The following ART3 variants were observed in gnomAD, a reference collection of about 807,000 sequenced individuals.
The protein encoded by ART3 is ecto-ADP-ribosyltransferase 3.
In ART3, 49 loss-of-function variants were observed where a neutral mutation model predicts 48.5. The observed-to-expected ratio is 1.01, with a 90% confidence interval of 0.80 to 1.28. The LOEUF is 1.28. ART3 is among the 50% of genes most tolerant of loss of function. ART3 has a pLI of 0.00. For synonymous variants in ART3, 145 were observed against 157.2 expected (o/e 0.92, Z 0.58); for missense variants, 438 against 454.3 (o/e 0.96, Z 0.33).
At chr4:76,012,009 G>C (rs1435650476) in intron 1 of ART3, 1 of 152,216 alleles carries the variant, frequency 6.6e-6, no homozygotes, top group African/African-American at 2.4e-5. Context: ...ATCTAGAGTT[G>C]AAATCAACAG....
At chr4:76,083,208 A>C (rs1722859631) in intron 3 of ART3, among the ~76,000 whole-genome samples, 1 of 152,028 alleles carries the variant, frequency 6.6e-6, no homozygotes, top group Non-Finnish European at 1.5e-5. Context: ...AAAAAGAAGA[A>C]AAAGAAAAAT....
chr4:76,103,089 A>T (rs1226144274), intron 8 of ART3, among the ~76,000 whole-genome samples: 4 of 152,126 alleles, frequency 2.6e-5, no homozygotes, highest in African/African-American at 9.7e-5. Context: ...AGCTGATGGC[A>T]TTTTTTTACT....
chr4:76,062,721 T>C (rs1324818926), intron 1 of ART3, among the ~76,000 whole-genome samples: 1 of 151,902 alleles, frequency 6.6e-6, no homozygotes, highest in Admixed American at 6.6e-5. Flanking sequence ...CCACCATGCC[T>C]GGCTAATTTT....
intron 3 of ART3, among the ~76,000 whole-genome samples, chr4:76,083,686 C>T (rs1000695477): frequency 6.6e-6 from 1 of 152,208 alleles, no homozygotes; most frequent in African/African-American, 2.4e-5. Context: ...ACAGCCAAAT[C>T]TACTTGTTCA....
intron 1 of ART3, among the ~76,000 whole-genome samples, chr4:76,043,102 A>G (rs1305218612): frequency 6.6e-6 from 1 of 151,990 alleles, no homozygotes; most frequent in Non-Finnish European, 1.5e-5. Context: ...AGCTAGACAC[A>G]GGGTGCTGAC....
intron 1 of ART3, among the ~76,000 whole-genome samples, chr4:76,011,578 C>T (rs1483281677): frequency 1.3e-5 from 2 of 152,150 alleles, no homozygotes; most frequent in African/African-American, 4.8e-5. Flanking sequence ...AGAGGCCCTT[C>T]GGATAAGAGA....
intron 1 of ART3, among the ~76,000 whole-genome samples, chr4:76,051,894 C>CTTTTTTTTTTTTTTTTTTTTTTTTT (rs202236743): frequency 9.0e-6 from 1 of 111,222 alleles, no homozygotes; most frequent in Non-Finnish European, 1.7e-5. Context: ...ATCTCTCTCT[C>CTTTTTTTTTTTTTTTTTTTTTTTTT]TCTCTTTTTT....
Position 76,022,618 on chromosome 4 carries a change from T to C in ART3, c.-10+11298T>C. ...CACAAACCCTTTACTGATCTTTTTT[T>C]ATTATCATTACATATTTAATACAGT... On this transcript the variant is annotated intron_variant, in intron 1 of 9. Coordinates refer to the ART3 transcript ENST00000341029. The C allele has an allele frequency of 2.1e-6, 3 of 1,442,984 alleles. No homozygotes were observed. The East Asian group carries it at 7.1e-5, about 34-fold the overall frequency. 89.4% of individuals were successfully genotyped at this position (1,442,984 alleles called of 1,614,324 possible).
At chr4:76,056,832 A>G (rs1718737208) in intron 1 of ART3, among the ~76,000 whole-genome samples, 3 of 152,216 alleles carry the variant, frequency 2.0e-5, no homozygotes, top group Non-Finnish European at 4.4e-5. Flanking sequence ...CTTGGTAGAA[A>G]ACAGTGGGTT....
At chr4:76,077,216 G>C (rs1333911436) in intron 2 of ART3, among the ~76,000 whole-genome samples, 1 of 152,088 alleles carries the variant, frequency 6.6e-6, no homozygotes, top group African/African-American at 2.4e-5. Context: ...GGCAACCACT[G>C]TCTACTTTCT....
intron 2 of ART3, among the ~76,000 whole-genome samples, chr4:76,076,502 C>CA (rs1364084482): frequency 1.3e-5 from 2 of 152,332 alleles, no homozygotes; most frequent in East Asian, 3.9e-4. Flanking sequence ...TTCCTCCACT[C>CA]AGAGGGAATG....
chr4:76,033,480 C>T (rs1734060940), intron 1 of ART3, among the ~76,000 whole-genome samples: 1 of 152,246 alleles, frequency 6.6e-6, no homozygotes, highest in Admixed American at 6.5e-5. Context: ...CCAACACTCA[C>T]ATAAGGGATT....
At chr4:76,055,644 A>G (rs1482574412) in intron 1 of ART3, among the ~76,000 whole-genome samples, 1 of 152,230 alleles carries the variant, frequency 6.6e-6, no homozygotes, top group African/African-American at 2.4e-5. Context: ...AGATTAGAGC[A>G]GAAGACTAAA....
At chr4:76,043,915 C>T (rs1445385457) in intron 1 of ART3, among the ~76,000 whole-genome samples, 1 of 152,054 alleles carries the variant, frequency 6.6e-6, no homozygotes, top group African/African-American at 2.4e-5. Flanking sequence ...ACTCTAGCTA[C>T]TTCCTGCTGG....
intron 3 of ART3, among the ~76,000 whole-genome samples, chr4:76,095,275 A>G (rs984030507): frequency 6.6e-6 from 1 of 152,206 alleles, no homozygotes; most frequent in Non-Finnish European, 1.5e-5. Context: ...TAGGAGGATG[A>G]GGCAGGTGGA....
chr4:76,100,611 C>A (rs1384034839), intron 6 of ART3, among the ~76,000 whole-genome samples, 184 bp from the exon 7 acceptor site: 2 of 140,942 alleles, frequency 1.4e-5, no homozygotes, highest in Non-Finnish European at 1.5e-5. Context: ...AGCCTGGAAA[C>A]AGAGCGAGGC....
chr4:76,022,347 C>T (rs1282752026), intron 1 of ART3: 3 of 1,597,754 alleles, frequency 1.9e-6, no homozygotes, highest in Non-Finnish European at 2.6e-6. Flanking sequence ...AATTCTTCTG[C>T]AGGCAACAGC....
At chr4:76,044,721 C>T (rs892103148) in intron 1 of ART3, among the ~76,000 whole-genome samples, 1 of 151,776 alleles carries the variant, frequency 6.6e-6, no homozygotes, top group African/African-American at 2.4e-5. Flanking sequence ...CTGTCTCTTC[C>T]TCTCCCTGTC....
In ART3 at chr4:76,022,580, G is replaced by A. The variant is rs1319554126; in HGVS notation, c.-10+11260G>A. 79 of 1,482,732 alleles carry A rather than the reference G, an allele frequency of 5.3e-5. 1 individual carries two copies. In the East Asian group the frequency reaches 1.8e-3, roughly 33 times the overall value. 91.8% of individuals were successfully genotyped at this position (1,482,732 alleles called of 1,614,324 possible). A position where few individuals can be genotyped will look rare whatever the true frequency, so the allele number is the denominator to read the frequency against. On this transcript the variant is annotated intron_variant, in intron 1 of 9. Transcript: ENST00000341029. The stretch of plus-strand genomic sequence containing the variant: ...GCATGTTTTTGTTTGCTGTACATTA[G>A]TTTTAGAATCATCACAAACCCTTTA...
Sources: allele counts gnomAD v4.1 joint callset (sites outside exome capture counted in the v4.1 genomes callset), GRCh38; gene constraint gnomAD v4.1.1; transcripts MANE v1.5; gene names NCBI Gene and HGNC (gene_info 2026-07-23, HGNC 2026-07-21).